The following FBXW10 variants were observed in gnomAD, a reference collection of about 807,000 sequenced individuals.
FBXW10 encodes the protein F-box and WD repeat domain containing 10, also known as F-box/WD repeat-containing protein 10.
In FBXW10, 68 loss-of-function variants were observed where a neutral mutation model predicts 113.1. The observed-to-expected ratio is 0.60, with a 90% CI of 0.49 to 0.74. The LOEUF (loss-of-function observed/expected upper bound fraction) is 0.74, where lower values mean the gene tolerates loss of function less well. Ranked by LOEUF, FBXW10 falls within the 30% of genes least tolerant of loss-of-function variation. The probability of loss-of-function intolerance (pLI) is 0.00; values close to 1 mark genes in which losing one functional copy is unlikely to be tolerated. For synonymous variants in FBXW10, 289 were observed against 481.6 expected (o/e 0.60, Z 5.24); for missense variants, 753 against 1,284.5 (o/e 0.59, Z 6.32).
At chr17:18,753,922 C>G (rs190954970) in intron 5 of FBXW10, among the ~76,000 whole-genome samples, 4 of 152,008 alleles carry the variant, frequency 2.6e-5, no homozygotes, top group African/African-American at 9.6e-5. Flanking sequence ...AGCAGAGAAG[C>G]AGGTGAAACA....
At chr17:18,762,533 A>G (rs1460045410) in intron 7 of FBXW10, among the ~76,000 whole-genome samples, 1 of 151,634 alleles carries the variant, frequency 6.6e-6, no homozygotes, top group Admixed American at 6.6e-5. Context: ...TATGTTGGCC[A>G]GGATGGTCTC....
At chr17:18,756,993 A>C (rs1020724328) in intron 6 of FBXW10, among the ~76,000 whole-genome samples, 10 of 152,224 alleles carry the variant, frequency 6.6e-5, no homozygotes, top group African/African-American at 2.4e-4. Context: ...TGACTAGTTG[A>C]ATTCTAGGTA....
intron 13 of FBXW10, among the ~76,000 whole-genome samples, chr17:18,776,151 T>C (rs2035694463): frequency 6.6e-6 from 1 of 152,084 alleles, no homozygotes; most frequent in Admixed American, 6.6e-5. Flanking sequence ...AAACCCCATC[T>C]CTACTAAAAG....
rs146517457 is a variant in FBXW10, at chr17:18,770,018, T to C, written c.1939T>C (p.Cys647Arg). 1.3e-4 allele frequency: 204 copies of C among 1,614,206 alleles called. No homozygotes were observed. The African/African-American group carries it at 1.7e-3, about 13-fold the overall frequency. The change falls in exon 11 of 14, where the codon TGT (cysteine) becomes CGT (arginine). Residue 647 changes from cysteine (C) to arginine (R), a missense_variant. By Grantham distance (180) the Cys-to-Arg change is radical. Transcript: ENST00000395665. The part of the protein sequence containing the change: ...IRIYNFLNGN[C>R]MKVLKANGRG... Reference sequence around the variant, plus strand: ...AATTTACAATTTCCTCAACGGGAACTGTATGAAGGTGTTAAAAGCCAATGG... The same window carrying C: ...AATTTACAATTTCCTCAACGGGAACCGTATGAAGGTGTTAAAAGCCAATGG...
At position 18,771,445 on chromosome 17, in the gene FBXW10, AG is replaced by A. The variant is rs1254001616; in HGVS notation, c.2007-963del. 2.6e-5 allele frequency among the ~76,000 whole-genome samples: 4 copies of A among 152,288 alleles called. No individual in the cohort carries two copies. In the East Asian group the frequency reaches 7.7e-4, roughly 29 times the overall value. ...GAGGCAGTGCTGTGGGGGCACAGGA[AG>A]GGGACAGGGAGGGCAAGTTCCGGAG... is the stretch of plus-strand genomic sequence containing the variant. On this transcript the variant is annotated intron_variant, in intron 11 of 13. Transcript: ENST00000395665.
Position 18,768,602 on chromosome 17 carries a change from T to G in FBXW10, c.1773T>G (p.Ser591Arg). The change falls in exon 10 of 14, where the codon AGT becomes AGG. Residue 591 changes from serine (S) to arginine (R), a missense_variant. Ser to Arg is a moderately radical substitution (Grantham distance 110, BLOSUM62 -1). Transcript: ENST00000395665. Reference protein sequence around the residue: ...FFDQWHLLSGSTDGLVMAWSM... With the variant: ...FFDQWHLLSGRTDGLVMAWSM... ...ACCAGTGGCATCTCCTCTCAGGAAG[T>G]ACTGATGGCCTGGTCATGGCCTGGA... is the stretch of plus-strand genomic sequence containing the variant. The G allele has an allele frequency of 6.2e-7, 1 of 1,613,962 alleles. No individual in the cohort carries two copies. Among genetic ancestry groups the G allele is most frequent in the South Asian group, 1.1e-5 (1 of 91,078 alleles).
intron 1 of FBXW10, among the ~76,000 whole-genome samples, chr17:18,746,715 CA>C (rs1296774897): frequency 6.6e-6 from 1 of 152,150 alleles, no homozygotes; most frequent in Non-Finnish European, 1.5e-5. Flanking sequence ...TTGCTTAGGT[CA>C]CCCACCACGT....
At chr17:18,774,619 C>A (rs1389680778) in intron 12 of FBXW10, among the ~76,000 whole-genome samples, 1 of 151,898 alleles carries the variant, frequency 6.6e-6, no homozygotes, top group Non-Finnish European at 1.5e-5. Context: ...CATGGAGAAA[C>A]CCCGTCTCTA....
rs1471453648 is a variant in FBXW10 at position 18,766,843 on chromosome 17, C to G, written c.1685C>G (p.Ala562Gly). 1.2e-6 allele frequency: 2 copies of G among 1,604,312 alleles called. No homozygotes were observed. Among genetic ancestry groups the G allele is most frequent in the Admixed American group, 3.4e-5 (2 of 59,648 alleles). ...ERGLVKVWHI[A>G]MAQLVKTLSG... ...GGGCTGGTGAAAGTGTGGCACATTGCCATGGCCCAGTTGGTAAAGGTAAGT... is the reference window on the plus strand; with the variant it reads ...GGGCTGGTGAAAGTGTGGCACATTGGCATGGCCCAGTTGGTAAAGGTAAGT... The change falls in exon 9 of 14, where the codon GCC (alanine) becomes GGC (glycine). Residue 562 changes from alanine (A) to glycine (G), a missense_variant. Physicochemically the swap from Ala to Gly is moderately conservative, Grantham distance 60 (BLOSUM62 0). Transcript: ENST00000395665.
chr17:18,775,030 G>A (rs1432441137), intron 12 of FBXW10, 106 bp from the exon 13 acceptor site: 5 of 694,854 alleles, frequency 7.2e-6, no homozygotes, highest in Non-Finnish European at 1.3e-5. Flanking sequence ...GTGATATTTT[G>A]TATAAAAATC....
intron 13 of FBXW10, among the ~76,000 whole-genome samples, chr17:18,777,496 C>T (rs2035724087): frequency 6.6e-6 from 1 of 151,536 alleles, no homozygotes; most frequent in African/African-American, 2.4e-5. Flanking sequence ...ATAAGATCTG[C>T]TTTGTGTGAA....
chr17:18,773,481 C>A (rs1277523593), intron 12 of FBXW10, among the ~76,000 whole-genome samples: 2 of 152,140 alleles, frequency 1.3e-5, no homozygotes, highest in Non-Finnish European at 2.9e-5. Flanking sequence ...ACGTATAAAG[C>A]AGGTGTGTGT....
chr17:18,766,174 T>A (rs1228863751), intron 8 of FBXW10, among the ~76,000 whole-genome samples: 1 of 152,154 alleles, frequency 6.6e-6, no homozygotes, highest in Non-Finnish European at 1.5e-5. Flanking sequence ...TCCATAAAAT[T>A]GAAAAGTCAG....
At chr17:18,762,162 C>A (rs1206891251) in intron 7 of FBXW10, among the ~76,000 whole-genome samples, 1 of 151,212 alleles carries the variant, frequency 6.6e-6, no homozygotes, top group Non-Finnish European at 1.5e-5. Flanking sequence ...CGGGGTTTCA[C>A]TGCGTTAGCC....
At chr17:18,747,113 A>C (rs997354493) in intron 1 of FBXW10, among the ~76,000 whole-genome samples, 13 of 151,930 alleles carry the variant, frequency 8.6e-5, no homozygotes, top group Non-Finnish European at 2.9e-5. Context: ...TTTCTAATAG[A>C]GACGGGGTTT....
rs1414579003 is a variant in FBXW10, at chr17:18,772,283, A to G, written c.2007-129A>G. ...TCTCCACCCTCCAGCTGCCTACACTACTAGTCTGTTTGGTCATCACCTGGG... is the reference window on the plus strand; with the variant it reads ...TCTCCACCCTCCAGCTGCCTACACTGCTAGTCTGTTTGGTCATCACCTGGG... On this transcript the variant is annotated intron_variant, in intron 11 of 13. Transcript: ENST00000395665. The G allele has an allele frequency of 3.6e-6, 3 of 822,340 alleles. No individual in the cohort carries two copies. The Admixed American group carries it at 6.8e-5, about 19-fold the overall frequency. The allele number at this position is 822,340 out of a possible 1,614,324, so 50.9% of individuals were successfully genotyped here.
chr17:18,757,587 C>T (rs2035290919), intron 6 of FBXW10, among the ~76,000 whole-genome samples: 1 of 152,184 alleles, frequency 6.6e-6, no homozygotes, highest in South Asian at 2.1e-4. Flanking sequence ...TTGGAGGTTA[C>T]AGGGAGTTAT....
At chr17:18,760,874 G>T (rs1214597472) in intron 7 of FBXW10, among the ~76,000 whole-genome samples, 1 of 151,290 alleles carries the variant, frequency 6.6e-6, no homozygotes, top group African/African-American at 2.4e-5. Context: ...CCTCTTCTAG[G>T]TCATAGAGAT....
intron 6 of FBXW10, 52 bp downstream of exon 6, chr17:18,756,206 A>G: frequency 6.4e-7 from 1 of 1,556,812 alleles, no homozygotes; most frequent in Non-Finnish European, 8.8e-7. Flanking sequence ...AGTTACCCAC[A>G]CTGACATTTG....
Sources: gnomAD v4.1 joint callset for allele counts (sites outside exome capture counted in the v4.1 genomes callset) on GRCh38, gnomAD v4.1.1 for gene constraint, MANE v1.5 for transcripts, NCBI Gene and HGNC (gene_info 2026-07-23, HGNC 2026-07-21) for gene names.